Variants in UTY observed in about 807,000 individuals in gnomAD.
The protein encoded by UTY is ubiquitously transcribed tetratricopeptide repeat containing, Y-linked, also known as histone demethylase UTY.
UTY carries 12 observed loss-of-function variants against 32.5 expected under a neutral mutation model. That is an observed-to-expected ratio of 0.37 (90% confidence interval 0.24 to 0.60). The LOEUF is 0.60. Among genes scored for constraint, UTY ranks in the 20% least tolerant of loss-of-function variants. The probability of loss-of-function intolerance (pLI) is 0.69; values close to 1 mark genes in which losing one functional copy is unlikely to be tolerated. For synonymous variants in UTY, 131 were observed against 103.4 expected, an observed-to-expected ratio of 1.27 and a Z score of -1.62; for missense variants, 303 against 299.2, an observed-to-expected ratio of 1.01 and a Z score of -0.09.
chrY:13,343,965 G>A, intron 17 of UTY, among the ~76,000 whole-genome samples: 1 of 33,876 alleles, frequency 3.0e-5, no homozygotes, highest in Admixed American at 2.6e-4. Flanking sequence ...CTCTGAAAGA[G>A]CTCCAAAAGA....
intron 27 of UTY, among the ~76,000 whole-genome samples, chrY:13,267,276 CTTCT>C: frequency 3.0e-5 from 1 of 32,796 alleles, no homozygotes; most frequent in Non-Finnish European, 7.5e-5. Flanking sequence ...ATGTAATGCC[CTTCT>C]TTCTTTCTTT....
At chrY:13,300,052 T>C in intron 25 of UTY, 5 of 219,577 alleles carry the variant, frequency 2.3e-5, no homozygotes, top group African/African-American at 8.6e-5. Context: ...AATCATCCTC[T>C]ACTGCTGTTC....
At chrY:13,329,089 C>T in intron 18 of UTY, among the ~76,000 whole-genome samples, 3 of 33,181 alleles carry the variant, frequency 9.0e-5, no homozygotes, top group Non-Finnish European at 2.2e-4. Flanking sequence ...GGCTGACACA[C>T]GATGGTTTCT....
chrY:13,373,742 A>G, intron 8 of UTY, among the ~76,000 whole-genome samples: 3 of 34,012 alleles, frequency 8.8e-5, no homozygotes, highest in Admixed American at 2.7e-4. Flanking sequence ...TCAGTATAGC[A>G]TGCTGCTTTA....
At chrY:13,276,755 G>C in intron 27 of UTY, among the ~76,000 whole-genome samples, 1 of 33,199 alleles carries the variant, frequency 3.0e-5, no homozygotes, top group Non-Finnish European at 7.4e-5. Flanking sequence ...AAGACAAAGA[G>C]AGTTTTGAAA....
intron 28 of UTY, among the ~76,000 whole-genome samples, chrY:13,237,949 G>A (rs779784774): frequency 1.1e-3 from 39 of 33,926 alleles, no homozygotes; most frequent in African/African-American, 4.1e-3. Context: ...AGACGTAGTT[G>A]TGAGCACTAC....
chrY:13,321,592 A>G (rs1012304055), intron 21 of UTY, among the ~76,000 whole-genome samples: 1 of 33,266 alleles, frequency 3.0e-5, no homozygotes, highest in Non-Finnish European at 7.4e-5. Context: ...TCAAAAGAAT[A>G]CAACCATTTG....
chrY:13,357,815 A>G, intron 15 of UTY, 62 bp downstream of exon 15: 1 of 290,819 alleles, frequency 3.4e-6, no homozygotes, highest in Non-Finnish European at 5.2e-6. Flanking sequence ...AATACCTAAA[A>G]AACAACATTT....
At chrY:13,426,045 A>G in intron 4 of UTY, among the ~76,000 whole-genome samples, 1 of 33,081 alleles carries the variant, frequency 3.0e-5, no homozygotes, top group African/African-American at 1.2e-4. Context: ...GTGAAGATCT[A>G]TAAGATGTCA....
At chrY:13,364,238 A>C in intron 10 of UTY, among the ~76,000 whole-genome samples, 2 of 32,693 alleles carry the variant, frequency 6.1e-5, no homozygotes, top group African/African-American at 2.4e-4. Context: ...AAAAAAAAAA[A>C]AAACCAAAAT....
chrY:13,405,509 T>C (rs2069774375), intron 6 of UTY, among the ~76,000 whole-genome samples: 3 of 32,211 alleles, frequency 9.3e-5, no homozygotes, highest in Non-Finnish European at 1.5e-4. Context: ...CTATATAGCA[T>C]AGCAAGCAGA....
chrY:13,468,263 C>A, intron 3 of UTY, among the ~76,000 whole-genome samples: 4 of 31,437 alleles, frequency 1.3e-4, no homozygotes, highest in African/African-American at 2.5e-4. Flanking sequence ...CAAAACAAGA[C>A]TGTCTCAAAA....
At chrY:13,397,848 C>CTA (rs2068428944) in intron 6 of UTY, among the ~76,000 whole-genome samples, 3 of 32,918 alleles carry the variant, frequency 9.1e-5, no homozygotes, top group Non-Finnish European at 2.3e-4. Flanking sequence ...ATAATAGGTC[C>CTA]TAAAACTCTT....
intron 4 of UTY, among the ~76,000 whole-genome samples, chrY:13,425,368 A>G (rs1024232927): frequency 3.0e-5 from 1 of 33,856 alleles, no homozygotes; most frequent in African/African-American, 1.2e-4. Flanking sequence ...CTATCCCACA[A>G]GAACTACTAG....
At chrY:13,262,846 G>C (rs2055415436) in intron 27 of UTY, among the ~76,000 whole-genome samples, 1 of 32,699 alleles carries the variant, frequency 3.1e-5, no homozygotes, top group Non-Finnish European at 7.4e-5. Context: ...TTACAGGCGT[G>C]AGCCACCATA....
In UTY at chrY:13,260,331, T is replaced by C; in HGVS notation, c.4084A>G (p.Ile1362Val). The change falls in exon 28 of 30, where the codon ATA (isoleucine) becomes GTA (valine). Residue 1362 changes from isoleucine to valine, a missense_variant. By Grantham distance (29) the Ile-to-Val change is conservative. Transcript: ENST00000545955. ...EALVAAGKEV[I>V]WHGRTNDEPA... ...TCATCATTTGTCCGCCCATGCCATA[T>C]AACCTCTTTTCCTGCTGCAACAAGA... 2 of 397,874 alleles carry C rather than the reference T, an allele frequency of 5.0e-6. No homozygotes were observed. Among genetic ancestry groups the C allele is most frequent in the Non-Finnish European group, 7.1e-6 (2 of 282,782 alleles).
intron 5 of UTY, among the ~76,000 whole-genome samples, chrY:13,411,972 G>C: frequency 6.0e-5 from 2 of 33,376 alleles, no homozygotes; most frequent in African/African-American, 2.3e-4. Context: ...CTGTTTCTGG[G>C]TTCTCCAATC....
intron 21 of UTY, among the ~76,000 whole-genome samples, chrY:13,321,975 C>G: frequency 3.0e-5 from 1 of 32,931 alleles, no homozygotes. Flanking sequence ...ACCAATGCCA[C>G]GGAATTTAAC....
At chrY:13,417,170 A>G (rs767421861) in intron 4 of UTY, among the ~76,000 whole-genome samples, 4 of 34,175 alleles carry the variant, frequency 1.2e-4, no homozygotes, top group African/African-American at 4.6e-4. Flanking sequence ...TTTCATGAAC[A>G]CACTATTATT....
Sources: gnomAD v4.1 joint callset for allele counts (sites outside exome capture counted in the v4.1 genomes callset) on GRCh38, gnomAD v4.1.1 for gene constraint, MANE v1.5 for transcripts, NCBI Gene and HGNC (gene_info 2026-07-23, HGNC 2026-07-21) for gene names.